INPP4B: variants seen among roughly 807,000 people sequenced by gnomAD.
INPP4B encodes the protein inositol polyphosphate-4-phosphatase type II B.
Under a neutral mutation model 122.5 loss-of-function variants are expected in INPP4B, and 55 were observed. The observed-to-expected ratio is 0.45, with a 90% CI of 0.36 to 0.56. The LOEUF (loss-of-function observed/expected upper bound fraction) is 0.56, where lower values mean the gene tolerates loss of function less well. Ranked by LOEUF, INPP4B falls within the 20% of genes least tolerant of loss-of-function variation. INPP4B has a pLI of 0.00. For synonymous variants in INPP4B, 403 were observed against 388.7 expected (o/e 1.04, Z -0.43); for missense variants, 1,000 against 1,097.7 (o/e 0.91, Z 1.26).
intron 21 of INPP4B, among the ~76,000 whole-genome samples, chr4:142,120,464 G>A (rs1796104618): frequency 6.6e-6 from 1 of 152,056 alleles, no homozygotes; most frequent in African/African-American, 2.4e-5. Context: ...ATGAACACAG[G>A]CTGTCTCTCC....
chr4:142,635,938 A>T (rs2197216), intron 2 of INPP4B, among the ~76,000 whole-genome samples: 1 of 152,044 alleles, frequency 6.6e-6, no homozygotes, highest in African/African-American at 2.4e-5. Flanking sequence ...TATGCCAGAA[A>T]TAAAAATAAT....
intron 5 of INPP4B, among the ~76,000 whole-genome samples, chr4:142,424,545 TTAAA>T (rs1408499356): frequency 1.3e-5 from 2 of 152,090 alleles, no homozygotes; most frequent in Non-Finnish European, 2.9e-5. Flanking sequence ...ACACGGATAG[TTAAA>T]TAAAGGCCAT....
intron 7 of INPP4B, among the ~76,000 whole-genome samples, chr4:142,385,015 G>A (rs1795488208): frequency 1.3e-5 from 2 of 152,118 alleles, no homozygotes; most frequent in Admixed American, 1.3e-4. Context: ...TATGGTTGAT[G>A]GGCATTTAGG....
At chr4:142,306,176 A>T (rs1368717504) in intron 8 of INPP4B, among the ~76,000 whole-genome samples, 1 of 151,762 alleles carries the variant, frequency 6.6e-6, no homozygotes, top group East Asian at 1.9e-4. Context: ...ATGACCTATG[A>T]ATATCTGCTT....
intron 1 of INPP4B, among the ~76,000 whole-genome samples, chr4:142,789,481 A>G (rs888903055): frequency 2.0e-5 from 3 of 152,140 alleles, no homozygotes; most frequent in Admixed American, 1.3e-4. Flanking sequence ...CCCCTTTTAC[A>G]ATAGCTTCAA....
At chr4:142,271,652 T>C (rs1745911566) in intron 9 of INPP4B, among the ~76,000 whole-genome samples, 1 of 152,166 alleles carries the variant, frequency 6.6e-6, no homozygotes, top group South Asian at 2.1e-4. Flanking sequence ...CCAAAGCTCA[T>C]TTAGTACAAC....
chr4:142,339,965 A>AT (rs545217016), intron 7 of INPP4B, among the ~76,000 whole-genome samples: 315 of 152,360 alleles, frequency 2.1e-3, no homozygotes, highest in African/African-American at 7.3e-3. Flanking sequence ...ACATGAATAG[A>AT]TATACCTCAG....
intron 2 of INPP4B, among the ~76,000 whole-genome samples, chr4:142,675,174 C>G (rs770916180): frequency 6.6e-6 from 1 of 152,132 alleles, no homozygotes; most frequent in African/African-American, 2.4e-5. Flanking sequence ...AATATCACCA[C>G]TGATACCACA....
At chr4:142,590,434 T>C (rs1410945090) in intron 2 of INPP4B, among the ~76,000 whole-genome samples, 1 of 152,196 alleles carries the variant, frequency 6.6e-6, no homozygotes, top group African/African-American at 2.4e-5. Flanking sequence ...AAAGGATCTG[T>C]ACATAAGCAC....
intron 16 of INPP4B, among the ~76,000 whole-genome samples, chr4:142,170,036 A>T (rs1443515822): frequency 2.0e-5 from 3 of 151,652 alleles, no homozygotes; most frequent in Non-Finnish European, 3.0e-5. Context: ...AATTTATTTT[A>T]TCTATTCCTT....
intron 2 of INPP4B, among the ~76,000 whole-genome samples, chr4:142,490,435 C>T (rs1016779420): frequency 6.6e-6 from 1 of 151,978 alleles, no homozygotes; most frequent in Non-Finnish European, 1.5e-5. Flanking sequence ...TTCTTTCTAA[C>T]TGACACATAA....
chr4:142,396,955 A>T (rs911858482), intron 7 of INPP4B, among the ~76,000 whole-genome samples: 3 of 152,202 alleles, frequency 2.0e-5, no homozygotes, highest in African/African-American at 4.8e-5. Context: ...TGGAGAAAGA[A>T]GGGAACTTTC....
intron 1 of INPP4B, among the ~76,000 whole-genome samples, chr4:142,782,568 A>G (rs1465532546): frequency 6.6e-6 from 1 of 151,582 alleles, no homozygotes; most frequent in Non-Finnish European, 1.5e-5. Context: ...ACTGACTTCC[A>G]CAATGGTTGA....
At chr4:142,760,294 G>T (rs1014293331) in intron 1 of INPP4B, among the ~76,000 whole-genome samples, 10 of 152,128 alleles carry the variant, frequency 6.6e-5, no homozygotes, top group African/African-American at 2.4e-4. Flanking sequence ...TAGCTTCTCT[G>T]CCATGTCACA....
chr4:142,125,559 C>T (rs1798290608), intron 18 of INPP4B, among the ~76,000 whole-genome samples: 1 of 152,058 alleles, frequency 6.6e-6, no homozygotes, highest in African/African-American at 2.4e-5. Flanking sequence ...AAAATCCTAT[C>T]TCCTCTCCTG....
At chr4:142,606,977 CAAAT>C (rs1187985099) in intron 2 of INPP4B, among the ~76,000 whole-genome samples, 1 of 151,676 alleles carries the variant, frequency 6.6e-6, no homozygotes, top group South Asian at 2.1e-4. Context: ...CCTAAATATA[CAAAT>C]AAATAAATCT....
chr4:142,463,422 G>C (rs1485562422), intron 2 of INPP4B, among the ~76,000 whole-genome samples: 1 of 152,136 alleles, frequency 6.6e-6, no homozygotes, highest in Non-Finnish European at 1.5e-5. Flanking sequence ...TTTGCTGGCA[G>C]CTTTAATCAC....
intron 2 of INPP4B, among the ~76,000 whole-genome samples, chr4:142,724,603 A>G (rs965484669): frequency 6.6e-6 from 1 of 152,266 alleles, no homozygotes; most frequent in Non-Finnish European, 1.5e-5. Flanking sequence ...AATTAACTTC[A>G]TTAACCATTT....
chr4:142,375,402 C>T lies in INPP4B; in HGVS notation c.372+27536G>A, dbSNP rs573992834. Reference sequence around the variant, plus strand: ...ATTTTCTCCTTCAATGTTTATTTCTCGAGTCATTTTCAAAGATCACTTCTG... The same window carrying T: ...ATTTTCTCCTTCAATGTTTATTTCTTGAGTCATTTTCAAAGATCACTTCTG... On this transcript the variant is annotated intron_variant, in intron 7 of 25. Coordinates refer to ENST00000262992, the MANE Select transcript of INPP4B (RefSeq NM_001101669.3). Among the ~76,000 whole-genome samples the T allele has an allele frequency of 6.5e-4, 98 of 151,492 alleles. 2 individuals carry two copies. In the South Asian group the frequency reaches 0.018, roughly 28 times the overall value.
Sources: gnomAD v4.1 joint callset for allele counts (sites outside exome capture counted in the v4.1 genomes callset) on GRCh38, gnomAD v4.1.1 for gene constraint, MANE v1.5 for transcripts, NCBI Gene and HGNC (gene_info 2026-07-23, HGNC 2026-07-21) for gene names.